Variants in WIPI1 observed in about 807,000 individuals in gnomAD.
WIPI1 encodes the protein WD repeat domain phosphoinositide-interacting protein 1.
A neutral mutation model predicts 55.3 loss-of-function variants in WIPI1; 45 were observed. The observed-to-expected ratio is 0.81, with a 90% CI of 0.64 to 1.04. The LOEUF (loss-of-function observed/expected upper bound fraction) is 1.04. Ranked by LOEUF, WIPI1 falls within the 50% of genes least tolerant of loss-of-function variation. The pLI, the probability that WIPI1 is intolerant of heterozygous loss-of-function variation, is 0.00. For synonymous variants in WIPI1, 195 were observed against 217.6 expected (o/e 0.90, Z 0.92); for missense variants, 445 against 559.0 (o/e 0.80, Z 2.06).
intron 3 of WIPI1, among the ~76,000 whole-genome samples, chr17:68,450,163 C>CAA (rs11422156): frequency 0.011 from 1,649 of 151,890 alleles, 24 homozygotes; most frequent in African/African-American, 0.031. Context: ...GAAAATGCTA[C>CAA]AAAAAAAACA....
chr17:68,438,258 C>T (rs1383422748), intron 4 of WIPI1, among the ~76,000 whole-genome samples: 1 of 152,200 alleles, frequency 6.6e-6, no homozygotes, highest in East Asian at 1.9e-4. Context: ...CCCTGCCACC[C>T]CTTTGGCGAT....
chr17:68,442,549 G>C (rs909656752), intron 4 of WIPI1, among the ~76,000 whole-genome samples: 9 of 151,874 alleles, frequency 5.9e-5, no homozygotes, highest in Admixed American at 5.9e-4. Context: ...TGGGGGTCAA[G>C]TGTGCAACAG....
intron 1 of WIPI1, 121 bp downstream of exon 1, chr17:68,457,221 A>G (rs890980111): frequency 1.6e-5 from 19 of 1,211,782 alleles, no homozygotes; most frequent in Non-Finnish European, 2.2e-5. Context: ...TCCGAAGCAG[A>G]CACCGGCCCT....
At chr17:68,437,051 T>C (rs2083844043) in intron 4 of WIPI1, among the ~76,000 whole-genome samples, 1 of 151,214 alleles carries the variant, frequency 6.6e-6, no homozygotes, top group Admixed American at 6.6e-5. Flanking sequence ...TATTGCTCAT[T>C]TTTACATTTT....
In WIPI1 at chr17:68,452,926, A is replaced by T; in HGVS notation, c.147T>A (p.Asp49Glu). 3.7e-6 allele frequency: 6 copies of T among 1,614,008 alleles called. No homozygotes were observed. Among genetic ancestry groups the T allele is most frequent in the Non-Finnish European group, 5.1e-6 (6 of 1,180,018 alleles). ...CACACTTACTGCTTCCGTGGACTTG[A>T]TCCAGCTGCTCCACAGAACTCAGAG... ...LFSLSSVEQL[D>E]QVHGSNEIPD... is the part of the protein sequence containing the mutation. The change falls in exon 2 of 13, where the codon GAT becomes GAA. Residue 49 changes from aspartate (D) to glutamate (E), a missense_variant. Transcript: ENST00000262139.
At chr17:68,436,997 AAAAAAAAAATAT>A (rs1429313215) in intron 4 of WIPI1, among the ~76,000 whole-genome samples, 6 of 58,956 alleles carry the variant, frequency 1.0e-4, no homozygotes, top group African/African-American at 2.3e-4. Context: ...CCGTCTCAAA[AAAAAAAAAATAT>A]ATATATATGT....
intron 5 of WIPI1, 80 bp downstream of exon 5, chr17:68,436,302 A>G: frequency 2.3e-6 from 3 of 1,316,344 alleles, no homozygotes; most frequent in Non-Finnish European, 3.3e-6. Flanking sequence ...CCCCGACGGC[A>G]GGGCGTCCTT....
At chr17:68,443,013 C>A (rs188401356) in intron 4 of WIPI1, among the ~76,000 whole-genome samples, 1 of 152,212 alleles carries the variant, frequency 6.6e-6, no homozygotes, top group African/African-American at 2.4e-5. Context: ...CTTCACGTAC[C>A]GTCTTCCATT....
intron 1 of WIPI1, among the ~76,000 whole-genome samples, chr17:68,455,422 A>G (rs1422424271): frequency 6.6e-6 from 1 of 151,708 alleles, no homozygotes; most frequent in Non-Finnish European, 1.5e-5. Context: ...ACGAAGTATG[A>G]GCGTAGGGGA....
At chr17:68,453,485 T>C (rs2084567486) in intron 1 of WIPI1, among the ~76,000 whole-genome samples, 1 of 150,650 alleles carries the variant, frequency 6.6e-6, no homozygotes, top group Non-Finnish European at 1.5e-5. Context: ...TTTCCTTTTT[T>C]TTTTTTTTTT....
At chr17:68,425,338 G>C (rs1486605951) in intron 12 of WIPI1, among the ~76,000 whole-genome samples, 1 of 151,942 alleles carries the variant, frequency 6.6e-6, no homozygotes, top group Non-Finnish European at 1.5e-5. Context: ...CGAATAGCTG[G>C]GACTACAGGC....
chr17:68,444,644 C>A, intron 3 of WIPI1, 55 bp from the exon 4 acceptor site: 1 of 1,404,422 alleles, frequency 7.1e-7, no homozygotes, highest in African/African-American at 1.4e-5. Flanking sequence ...AAGACCCTGA[C>A]CAAATCCAAA....
At chr17:68,437,935 G>A (rs1194646084) in intron 4 of WIPI1, among the ~76,000 whole-genome samples, 1 of 91,978 alleles carries the variant, frequency 1.1e-5, no homozygotes, top group Admixed American at 1.3e-4. Flanking sequence ...TCACGCAAGA[G>A]AGACATCTCT....
At chr17:68,422,821 T>C (rs1213210499) in intron 12 of WIPI1, 1 of 150,282 alleles carries the variant, frequency 6.7e-6, no homozygotes, top group Non-Finnish European at 1.5e-5. Flanking sequence ...GGGACTAGTC[T>C]CACAAAATAC....
At chr17:68,426,250 G>GGGGA in intron 11 of WIPI1, 75 bp from the exon 12 acceptor site, 1 of 828,058 alleles carries the variant, frequency 1.2e-6, no homozygotes, top group Non-Finnish European at 1.9e-6. Context: ...GGTGGGGAGC[G>GGGGA]GGGGCTCAAA....
At chr17:68,453,750 G>A (rs930709594) in intron 1 of WIPI1, among the ~76,000 whole-genome samples, 6 of 151,996 alleles carry the variant, frequency 3.9e-5, no homozygotes, top group African/African-American at 1.4e-4. Flanking sequence ...AAGTGCTTAG[G>A]CATCAGCCAC....
chr17:68,430,582 A>C (rs1373096008), intron 8 of WIPI1, among the ~76,000 whole-genome samples: 1 of 152,212 alleles, frequency 6.6e-6, no homozygotes, highest in African/African-American at 2.4e-5. Flanking sequence ...CTCCTGAGCC[A>C]GACTGAGTGG....
intron 12 of WIPI1, among the ~76,000 whole-genome samples, chr17:68,424,156 A>G (rs1568617240): frequency 1.3e-5 from 2 of 152,240 alleles, no homozygotes; most frequent in Non-Finnish European, 1.5e-5. Flanking sequence ...GCAGCATGCC[A>G]ACAGAGGTTT....
intron 3 of WIPI1, among the ~76,000 whole-genome samples, chr17:68,445,435 T>C (rs993167144): frequency 6.6e-6 from 1 of 152,134 alleles, no homozygotes; most frequent in Non-Finnish European, 1.5e-5. Context: ...TTATTTCTAC[T>C]CAGACTCTCC....
Sources: gnomAD v4.1 joint callset for allele counts (sites outside exome capture counted in the v4.1 genomes callset) on GRCh38, gnomAD v4.1.1 for gene constraint, MANE v1.5 for transcripts, NCBI Gene and HGNC (gene_info 2026-07-23, HGNC 2026-07-21) for gene names.